NHERF2: variants seen among roughly 807,000 people sequenced by gnomAD.
NHERF2 encodes Na(+)/H(+) exchange regulatory cofactor NHE-RF2.
the NHERF2 span, among the ~76,000 whole-genome samples, chr16:2,034,318 C>G: frequency 2.6e-5 from 4 of 151,574 alleles, no homozygotes; most frequent in Admixed American, 2.0e-4. Flanking sequence ...TTCCCTGCGT[C>G]CCAGGCCAGC....
At chr16:2,033,296 A>C in the NHERF2 span, 1 of 1,532,246 alleles carries the variant, frequency 6.5e-7, no homozygotes, top group Non-Finnish European at 8.7e-7. Flanking sequence ...GGTCGGCCAG[A>C]GAGTTCAGGC....
At chr16:2,034,934 G>C in the NHERF2 span, among the ~76,000 whole-genome samples, 1 of 152,238 alleles carries the variant, frequency 6.6e-6, no homozygotes, top group Admixed American at 6.5e-5. Context: ...CACCAGGTGT[G>C]TCTGGGGGAG....
the NHERF2 span, among the ~76,000 whole-genome samples, chr16:2,032,199 TG>T: frequency 6.6e-6 from 1 of 152,128 alleles, no homozygotes; most frequent in African/African-American, 2.4e-5. This position sits in a 1 kb window ranked among gnomAD's most constrained non-coding sequence, Gnocchi z 4.0. Context: ...TTTGTGTTTT[TG>T]GTAGAGACAG....
chr16:2,037,309 G>A, the NHERF2 span, among the ~76,000 whole-genome samples: 13 of 152,094 alleles, frequency 8.5e-5, no homozygotes, highest in African/African-American at 2.4e-4. Context: ...GCTCACGCCG[G>A]CCATTCCTGC....
chr16:2,028,520 AGTTACT>A, the NHERF2 span, among the ~76,000 whole-genome samples: 1 of 152,318 alleles, frequency 6.6e-6, no homozygotes, highest in South Asian at 2.1e-4. Context: ...CAAGAGGGGC[AGTTACT>A]GCCCCATTTG....
the NHERF2 span, among the ~76,000 whole-genome samples, chr16:2,031,238 G>T: frequency 1.2e-4 from 19 of 152,220 alleles, no homozygotes; most frequent in Admixed American, 1.2e-3. Context: ...TGTTCCTGGG[G>T]CTTGAGGGCG....
At chr16:2,030,679 C>G in the NHERF2 span, among the ~76,000 whole-genome samples, 1 of 150,498 alleles carries the variant, frequency 6.6e-6, no homozygotes, top group African/African-American at 2.5e-5. Flanking sequence ...TGGCTCACGC[C>G]TGTAATCCCA....
At chr16:2,038,499 C>T in the NHERF2 span, 3 of 378,792 alleles carry the variant, frequency 7.9e-6, no homozygotes, top group African/African-American at 2.3e-5. Flanking sequence ...CCTCCCCGCC[C>T]CCTCCCCTCA....
chr16:2,031,144 G>A, the NHERF2 span, among the ~76,000 whole-genome samples: 1 of 152,170 alleles, frequency 6.6e-6, no homozygotes, highest in Non-Finnish European at 1.5e-5. Context: ...AGCCCGGGGG[G>A]AGCGGCTTGG....
At chr16:2,028,994 C>T in the NHERF2 span, among the ~76,000 whole-genome samples, 5 of 152,218 alleles carry the variant, frequency 3.3e-5, no homozygotes, top group Admixed American at 6.5e-5. Flanking sequence ...CAGCCCTTCC[C>T]CTCTCTGCAG....
chr16:2,035,251 C>T, the NHERF2 span: 26 of 266,336 alleles, frequency 9.8e-5, no homozygotes, highest in Non-Finnish European at 1.3e-4. Flanking sequence ...CGGGGCGGTC[C>T]CCCCCGCTGA....
At chr16:2,029,773 T>C in the NHERF2 span, 1 of 1,542,076 alleles carries the variant, frequency 6.5e-7, no homozygotes, top group Admixed American at 2.0e-5. Context: ...GCTCCGAAGC[T>C]GGCAAGAAGG....
the NHERF2 span, chr16:2,027,222 G>A: frequency 7.5e-7 from 1 of 1,329,816 alleles, no homozygotes; most frequent in Admixed American, 3.3e-5. Flanking sequence ...CCACCAGGTG[G>A]GGGCCAGCGC....
chr16:2,027,195 G>C, the NHERF2 span: 1 of 1,438,862 alleles, frequency 6.9e-7, no homozygotes, highest in Non-Finnish European at 9.1e-7. Context: ...CGGCGTCAAC[G>C]TGGAGGGCGA....
the NHERF2 span, chr16:2,027,145 C>T: frequency 4.7e-6 from 7 of 1,475,034 alleles, no homozygotes; most frequent in Admixed American, 2.2e-5. Flanking sequence ...CCCGCCGAGG[C>T]CGCCGCGCTG....
At chr16:2,032,842 G>A in the NHERF2 span, 1 of 1,002,134 alleles carries the variant, frequency 1.0e-6, no homozygotes, top group Non-Finnish European at 1.2e-6. This position sits in a 1 kb window ranked among gnomAD's most constrained non-coding sequence, Gnocchi z 4.0. Context: ...GGTGGTGGCA[G>A]ACCCTGAGCC....
chr16:2,029,431 G>T, the NHERF2 span: 2 of 666,970 alleles, frequency 3.0e-6, no homozygotes, highest in Non-Finnish European at 5.2e-6. Flanking sequence ...CGGGGGTGGG[G>T]GGCGGGGCCG....
chr16:2,030,225 C>T, the NHERF2 span, among the ~76,000 whole-genome samples: 28 of 152,178 alleles, frequency 1.8e-4, no homozygotes, highest in Non-Finnish European at 3.7e-4. Context: ...GGGAGAGGGC[C>T]GGCCTTCTCC....
the NHERF2 span, chr16:2,036,056 C>T: frequency 4.1e-6 from 2 of 487,868 alleles, no homozygotes; most frequent in Non-Finnish European, 7.3e-6. Flanking sequence ...CCACGCTGGC[C>T]TCGAGCCAAA....
Sources: allele counts gnomAD v4.1 joint callset (sites outside exome capture counted in the v4.1 genomes callset), GRCh38; gene constraint gnomAD v4.1.1; non-coding constraint Gnocchi (gnomAD v3.1); transcripts MANE v1.5; gene names NCBI Gene and HGNC (gene_info 2026-07-23, HGNC 2026-07-21).